CNOT6: variants seen among roughly 807,000 people sequenced by gnomAD.
The protein encoded by CNOT6 is CCR4-NOT transcription complex subunit 6, also known as carbon catabolite repression 4 protein.
A neutral mutation model predicts 61.2 loss-of-function variants in CNOT6; 12 were observed. The observed-to-expected ratio is 0.20, with a 90% CI of 0.13 to 0.32. The LOEUF (loss-of-function observed/expected upper bound fraction) is 0.32. Ranked by LOEUF, CNOT6 falls within the 10% of genes least tolerant of loss-of-function variation. CNOT6 has a pLI of 1.00. For synonymous variants in CNOT6, 225 were observed against 240.6 expected (o/e 0.94, Z 0.60); for missense variants, 405 against 663.9 (o/e 0.61, Z 4.28).
chr5:180,516,848 A>C (rs558320703), intron 1 of CNOT6, among the ~76,000 whole-genome samples: 1 of 152,274 alleles, frequency 6.6e-6, no homozygotes, highest in African/African-American at 2.4e-5. Context: ...AAAATCCCAC[A>C]TTCTCATTTT....
At position 180,564,493 on chromosome 5, in the gene CNOT6, TC is replaced by T; in HGVS notation, c.394del (p.Thr133ProfsTer5). 1 of 1,595,932 alleles carries T rather than the reference TC, an allele frequency of 6.3e-7. No individual in the cohort carries two copies. On this transcript the variant is annotated frameshift_variant, in exon 5 of 12. Coordinates refer to ENST00000261951, the MANE Select transcript of CNOT6 (RefSeq NM_001370472.1). LOFTEE classifies it high-confidence loss of function. ...TTATTTCAAAAATATTTCCAGGAAA[TC>T]CCCTTACCCAGGATATATTGAACCT... ...QLQTLGLKGN[P>X]LTQDILNLYQ...
chr5:180,565,627 T>A (rs1211731358), intron 6 of CNOT6, among the ~76,000 whole-genome samples, 193 bp from the exon 7 acceptor site: 1 of 152,214 alleles, frequency 6.6e-6, no homozygotes, highest in Non-Finnish European at 1.5e-5. Flanking sequence ...TATTCTAACT[T>A]GTTCACTTAT....
At chr5:180,513,836 T>G (rs1398090698) in intron 1 of CNOT6, among the ~76,000 whole-genome samples, 2 of 151,946 alleles carry the variant, frequency 1.3e-5, no homozygotes, top group African/African-American at 2.4e-5. Context: ...TCCGAGTAGC[T>G]GGGACTACAG....
chr5:180,512,328 TCA>T (rs1402079955), intron 1 of CNOT6, among the ~76,000 whole-genome samples: 1 of 152,200 alleles, frequency 6.6e-6, no homozygotes, highest in Non-Finnish European at 1.5e-5. Flanking sequence ...GAAAATGGTA[TCA>T]CTAAATGCTT....
At chr5:180,505,195 C>T (rs1166511071) in intron 1 of CNOT6, among the ~76,000 whole-genome samples, 4 of 146,796 alleles carry the variant, frequency 2.7e-5, no homozygotes, top group Non-Finnish European at 6.0e-5. Flanking sequence ...CTCCTGACCT[C>T]GTGATCCACC....
At chr5:180,564,395 T>G (rs940825363) in intron 4 of CNOT6, 94 bp from the exon 5 acceptor site, 41 of 809,074 alleles carry the variant, frequency 5.1e-5, no homozygotes, top group South Asian at 3.7e-4. Context: ...AACTATAACA[T>G]AGTTATGGAT....
chr5:180,539,501 A>G (rs1360664720), intron 2 of CNOT6, among the ~76,000 whole-genome samples: 2 of 145,186 alleles, frequency 1.4e-5, no homozygotes, highest in African/African-American at 2.5e-5. Flanking sequence ...CTTTTATAGC[A>G]ACTTATTAAA....
At chr5:180,505,188 C>T (rs1308658397) in intron 1 of CNOT6, among the ~76,000 whole-genome samples, 6 of 146,674 alleles carry the variant, frequency 4.1e-5, no homozygotes, top group Non-Finnish European at 6.0e-5. Context: ...TCTCCATCTC[C>T]TGACCTCGTG....
intron 2 of CNOT6, among the ~76,000 whole-genome samples, 193 bp from the exon 3 acceptor site, chr5:180,549,738 G>C (rs1437494296): frequency 1.3e-5 from 2 of 152,066 alleles, no homozygotes; most frequent in African/African-American, 4.8e-5. Flanking sequence ...ATTTTAACCT[G>C]CTAAGTGAGG....
At chr5:180,566,979 T>G in intron 7 of CNOT6, 109 bp from the exon 8 acceptor site, 1 of 1,067,850 alleles carries the variant, frequency 9.4e-7, no homozygotes, top group Non-Finnish European at 1.3e-6. Flanking sequence ...TTCTTTAATC[T>G]GCAGACCAGT....
At chr5:180,527,581 T>A (rs1003250175) in intron 1 of CNOT6, among the ~76,000 whole-genome samples, 1 of 152,226 alleles carries the variant, frequency 6.6e-6, no homozygotes, top group African/African-American at 2.4e-5. Flanking sequence ...TAAACTAGTA[T>A]CAGATCTAGA....
chr5:180,568,697 G>A (rs1760594307), intron 9 of CNOT6, among the ~76,000 whole-genome samples: 1 of 152,088 alleles, frequency 6.6e-6, no homozygotes, highest in South Asian at 2.1e-4. Context: ...TGTCACTTGA[G>A]GAACAGTTGG....
At chr5:180,524,741 A>G (rs1204099404) in intron 1 of CNOT6, among the ~76,000 whole-genome samples, 1 of 152,244 alleles carries the variant, frequency 6.6e-6, no homozygotes, top group East Asian at 1.9e-4. Flanking sequence ...TGAGATTGAT[A>G]AATCAGACTT....
Position 180,501,391 on chromosome 5 carries a change from C to T in CNOT6, c.-3+6628C>T, listed in dbSNP as rs117482540. ...TGATTTAACTTGGGAAACAGAAGAA[C>T]AGATTTGGACGAGGAAAGTAGAATA... is the stretch of plus-strand genomic sequence containing the variant. On this transcript the variant is annotated intron_variant, in intron 1 of 11. Transcript: ENST00000261951. Among the ~76,000 whole-genome samples the T allele has an allele frequency of 7.5e-3, 1,146 of 152,274 alleles. 50 individuals are homozygous for T. The East Asian group carries it at 0.097, about 13-fold the overall frequency.
At chr5:180,497,237 G>A (rs967597894) in intron 1 of CNOT6, among the ~76,000 whole-genome samples, 1 of 150,248 alleles carries the variant, frequency 6.7e-6, no homozygotes, top group Admixed American at 6.7e-5. Context: ...TGAGGTGGGA[G>A]AATGGCTTGA....
rs1180233424 is a variant in CNOT6, at chr5:180,553,498, A to G, written c.385+27A>G. On this transcript the variant is annotated intron_variant, in intron 4 of 11. Coordinates refer to ENST00000261951, the MANE Select transcript of CNOT6 (RefSeq NM_001370472.1). ...TATGACTTCCATATTTGTACTTCTT[A>G]TGGTTTGTGTATATGTCTTTGAATC... 27 of 1,549,022 alleles carry G rather than the reference A, an allele frequency of 1.7e-5. No homozygotes were observed. The Admixed American group carries it at 4.6e-4, about 26-fold the overall frequency.
chr5:180,558,908 A>G (rs1760035010), intron 4 of CNOT6, among the ~76,000 whole-genome samples: 1 of 152,186 alleles, frequency 6.6e-6, no homozygotes, highest in Admixed American at 6.5e-5. Context: ...CCTCTGAAGC[A>G]GGTGGGACTA....
At chr5:180,563,002 T>C (rs1387604294) in intron 4 of CNOT6, among the ~76,000 whole-genome samples, 1 of 152,216 alleles carries the variant, frequency 6.6e-6, no homozygotes, top group Non-Finnish European at 1.5e-5. Flanking sequence ...ATACCTACTT[T>C]GCACTTAGAG....
chr5:180,541,441 ATTTTTTTTTTT>A (rs1163850404), intron 2 of CNOT6, among the ~76,000 whole-genome samples: 13 of 106,576 alleles, frequency 1.2e-4, no homozygotes, highest in African/African-American at 3.7e-4. Context: ...TGGCCAAGAA[ATTTTTTTTTTT>A]TTTTTTTTTT....
Sources: allele counts gnomAD v4.1 joint callset (sites outside exome capture counted in the v4.1 genomes callset), GRCh38; gene constraint gnomAD v4.1.1; transcripts MANE v1.5; gene names NCBI Gene and HGNC (gene_info 2026-07-23, HGNC 2026-07-21).